Variants in FBXW11 observed in about 807,000 individuals in gnomAD.
FBXW11 encodes the protein F-box and WD repeat domain containing 11, also known as F-box/WD repeat-containing protein 11.
A neutral mutation model predicts 77.6 loss-of-function variants in FBXW11; 19 were observed. The ratio of observed to expected loss-of-function variants is 0.24; its 90% CI spans 0.17 to 0.36. The LOEUF is 0.36. Among genes scored for constraint, FBXW11 ranks in the 10% least tolerant of loss-of-function variants. The probability of loss-of-function intolerance (pLI) is 1.00; values close to 1 mark genes in which losing one functional copy is unlikely to be tolerated. For missense variants in FBXW11, 334 were observed against 704.2 expected (o/e 0.47, Z 5.95); for synonymous variants, 235 against 249.4 (o/e 0.94, Z 0.54).
intron 2 of FBXW11, among the ~76,000 whole-genome samples, chr5:171,925,384 G>A (rs1761835158): frequency 6.6e-6 from 1 of 152,148 alleles, no homozygotes; most frequent in Non-Finnish European, 1.5e-5. Context: ...AACAAAAAGA[G>A]CCAGGCTACT....
chr5:171,907,584 T>C (rs957164041), intron 4 of FBXW11, among the ~76,000 whole-genome samples: 1 of 152,202 alleles, frequency 6.6e-6, no homozygotes, highest in African/African-American at 2.4e-5. Flanking sequence ...TAGATTCATA[T>C]GTATGATATA....
chr5:171,869,641 C>CGAA lies in FBXW11; in HGVS notation c.1530+87_1530+88insTTC, dbSNP rs1757632856. The CGAA allele has an allele frequency of 4.4e-6, 4 of 919,072 alleles. No individual in the cohort carries two copies. In the East Asian group the frequency reaches 1.2e-4, roughly 28 times the overall value. 56.9% of individuals were successfully genotyped at this position (919,072 alleles called of 1,614,324 possible). A position where few individuals can be genotyped will look rare whatever the true frequency, so the allele number is the denominator to read the frequency against. The stretch of plus-strand genomic sequence containing the variant: ...GAAGGCATCTTGTGAGACACACAAG[C>CGAA]GTTCCTGTGATACACCTAGACAGGA... On this transcript the variant is annotated intron_variant, in intron 12 of 13. Transcript: ENST00000517395. This position sits in a 1 kb window ranked among gnomAD's most constrained non-coding sequence, Gnocchi z 4.1.
intron 1 of FBXW11, 51 bp from the exon 2 acceptor site, chr5:171,957,749 C>T (rs1763689666): frequency 1.4e-6 from 2 of 1,467,756 alleles, no homozygotes; most frequent in African/African-American, 2.8e-5. Flanking sequence ...GAGGCCGCAA[C>T]AAATCACTCC....
At chr5:171,900,179 G>T in intron 4 of FBXW11, 79 bp from the exon 5 acceptor site, 1 of 1,261,486 alleles carries the variant, frequency 7.9e-7, no homozygotes, top group South Asian at 1.6e-5. Flanking sequence ...AAGATAAGAG[G>T]AATAAAGAAA....
intron 2 of FBXW11, among the ~76,000 whole-genome samples, chr5:171,948,426 A>C (rs1213914204): frequency 6.6e-6 from 1 of 151,090 alleles, no homozygotes; most frequent in Non-Finnish European, 1.5e-5. Context: ...CACTCTCTAA[A>C]ATCTCTGCCA....
At chr5:171,960,528 T>C (rs1763853949) in intron 1 of FBXW11, among the ~76,000 whole-genome samples, 2 of 152,210 alleles carry the variant, frequency 1.3e-5, no homozygotes, top group Admixed American at 6.5e-5. Context: ...GTAAAAACCA[T>C]GAAAGCATAA....
chr5:171,881,459 T>C (rs1475991072), intron 7 of FBXW11, among the ~76,000 whole-genome samples: 1 of 152,222 alleles, frequency 6.6e-6, no homozygotes, highest in Non-Finnish European at 1.5e-5. Flanking sequence ...TCTGCATCTA[T>C]TGACGTGATT....
At chr5:171,955,213 G>A (rs1053679064) in intron 2 of FBXW11, among the ~76,000 whole-genome samples, 2 of 152,098 alleles carry the variant, frequency 1.3e-5, no homozygotes, top group African/African-American at 4.8e-5. Flanking sequence ...CGGCTTTTTC[G>A]AAAGGTAAAC....
At chr5:171,923,007 G>A (rs1009809916) in intron 2 of FBXW11, among the ~76,000 whole-genome samples, 16 of 151,998 alleles carry the variant, frequency 1.1e-4, no homozygotes, top group East Asian at 1.9e-4. Flanking sequence ...CTCTGCCTCC[G>A]CGGTTCAAGC....
At chr5:171,932,289 T>C (rs1331513762) in intron 2 of FBXW11, among the ~76,000 whole-genome samples, 3 of 152,108 alleles carry the variant, frequency 2.0e-5, no homozygotes, top group East Asian at 1.9e-4. Context: ...CAAATAAACA[T>C]GGAATATGGA....
rs1249268077 is a variant in FBXW11, at chr5:171,862,468, G to A, written c.*1659C>T. On this transcript the variant is annotated 3_prime_UTR_variant, in exon 14 of 14. Coordinates refer to ENST00000517395, the MANE Select transcript of FBXW11 (RefSeq NM_001378974.1). ...TTTAGTAGTAGAGTGTGCTTCCACGGGAAGAGGTTTACTTTATAGGAGGCT... is the reference window on the plus strand; with the variant it reads ...TTTAGTAGTAGAGTGTGCTTCCACGAGAAGAGGTTTACTTTATAGGAGGCT... 1.3e-5 allele frequency: 2 copies of A among 152,638 alleles called. No individual in the cohort carries two copies. The highest frequency in any genetic ancestry group is 2.9e-5 in the Non-Finnish European group (2 of 68,046). 9.5% of individuals were successfully genotyped at this position (152,638 alleles called of 1,614,324 possible).
At chr5:172,006,348 C>T in intron 1 of FBXW11, 110 bp downstream of exon 1, 3 of 972,858 alleles carry the variant, frequency 3.1e-6, no homozygotes, top group Non-Finnish European at 4.3e-6. Flanking sequence ...GGGTCTGGGT[C>T]GAGGCGTCTG....
chr5:171,948,784 G>A lies in FBXW11; in HGVS notation c.147+8813C>T, dbSNP rs542892874. 4.6e-5 allele frequency among the ~76,000 whole-genome samples: 7 copies of A among 152,138 alleles called. No individual in the cohort carries two copies. In the South Asian group the frequency reaches 1.0e-3, roughly 23 times the overall value. ...TGTGTTCTGAATTCCATTTACCCACGTCCCTATCCTCAAATTATACTGTGA... is the reference window on the plus strand; with the variant it reads ...TGTGTTCTGAATTCCATTTACCCACATCCCTATCCTCAAATTATACTGTGA... On this transcript the variant is annotated intron_variant, in intron 2 of 13. Transcript: ENST00000517395.
intron 2 of FBXW11, among the ~76,000 whole-genome samples, chr5:171,954,436 A>G (rs928143860): frequency 1.3e-5 from 2 of 152,224 alleles, no homozygotes; most frequent in Non-Finnish European, 2.9e-5. Flanking sequence ...CAACACATAG[A>G]AAGAACGTGG....
rs181925433 is a variant in FBXW11, at chr5:171,974,617, G to A, written c.46-16919C>T. On this transcript the variant is annotated intron_variant, in intron 1 of 13. Coordinates refer to ENST00000517395, the MANE Select transcript of FBXW11 (RefSeq NM_001378974.1). ...GCCTACAGTTTCAGCTACTCAGGAGGCTGAGGCAAGAGGATCACTTGAGGC... is the reference window on the plus strand; with the variant it reads ...GCCTACAGTTTCAGCTACTCAGGAGACTGAGGCAAGAGGATCACTTGAGGC... 2.6e-5 allele frequency among the ~76,000 whole-genome samples: 4 copies of A among 152,140 alleles called. No individual in the cohort carries two copies. The East Asian group carries it at 7.7e-4, about 29-fold the overall frequency.
At chr5:171,867,715 G>A (rs1232035243) in intron 13 of FBXW11, 1 of 152,058 alleles carries the variant, frequency 6.6e-6, no homozygotes, top group South Asian at 2.1e-4. Flanking sequence ...TTATACTTTT[G>A]AAATTCAATG....
chr5:171,954,277 C>T (rs1763507106), intron 2 of FBXW11, among the ~76,000 whole-genome samples: 1 of 152,184 alleles, frequency 6.6e-6, no homozygotes, highest in Non-Finnish European at 1.5e-5. Context: ...TTGCAGTCAT[C>T]CAGATTATGT....
chr5:171,879,108 A>G (rs1032500326), intron 7 of FBXW11, among the ~76,000 whole-genome samples: 3 of 152,210 alleles, frequency 2.0e-5, no homozygotes, highest in Non-Finnish European at 4.4e-5. Context: ...AAATGTTGTG[A>G]ACAGTTGTTT....
chr5:171,946,535 T>G (rs1225566740), intron 2 of FBXW11, among the ~76,000 whole-genome samples: 1 of 152,142 alleles, frequency 6.6e-6, no homozygotes, highest in African/African-American at 2.4e-5. Flanking sequence ...TCATTCCACA[T>G]TCCAGCCAGA....
Sources: gnomAD v4.1 joint callset for allele counts (sites outside exome capture counted in the v4.1 genomes callset) on GRCh38, gnomAD v4.1.1 for gene constraint, Gnocchi (gnomAD v3.1) non-coding constraint, MANE v1.5 for transcripts, NCBI Gene and HGNC (gene_info 2026-07-23, HGNC 2026-07-21) for gene names.